Variants in ADGRV1 observed in about 807,000 individuals in gnomAD.
The protein encoded by ADGRV1 is G-protein coupled receptor 98.
ADGRV1 carries 359 observed loss-of-function variants against 596.2 expected under a neutral mutation model. That is an observed-to-expected ratio of 0.60 (90% CI 0.55 to 0.66). The LOEUF (loss-of-function observed/expected upper bound fraction) is 0.66, where lower values mean the gene tolerates loss of function less well. ADGRV1 is among the 30% of genes least tolerant of loss of function. The pLI, the probability that ADGRV1 is intolerant of heterozygous loss-of-function variation, is 0.00. For missense variants in ADGRV1, 7,274 were observed against 7,575.6 expected, an observed-to-expected ratio of 0.96 and a Z score of 1.48; for synonymous variants, 2,681 against 2,679.2, an observed-to-expected ratio of 1.00 and a Z score of -0.02.
In ADGRV1 at chr5:91,027,718, T is replaced by A. The variant is rs1457873627; in HGVS notation, c.18152+42196T>A. 3.9e-5 allele frequency among the ~76,000 whole-genome samples: 6 copies of A among 152,292 alleles called. No homozygotes were observed. The East Asian group carries it at 1.2e-3, about 29-fold the overall frequency. ...ATCAGGATCTCATTAAGGGAAAGCT[T>A]AGCATTGTTTGAGTTCTCTTTCACA... On this transcript the variant is annotated intron_variant, in intron 85 of 89. Transcript: ENST00000405460.
At chr5:90,563,038 C>T (rs777462338) in intron 1 of ADGRV1, among the ~76,000 whole-genome samples, 12 of 152,166 alleles carry the variant, frequency 7.9e-5, no homozygotes, top group Non-Finnish European at 1.5e-4. Context: ...ACCATCTGTT[C>T]GCATCTTGGC....
intron 50 of ADGRV1, among the ~76,000 whole-genome samples, chr5:90,742,279 T>C (rs1171888923): frequency 6.6e-6 from 1 of 152,184 alleles, no homozygotes; most frequent in Admixed American, 6.5e-5. Flanking sequence ...CTTGCCCTGG[T>C]CTAAGAGATG....
At chr5:90,602,490 C>G (rs1228603678) in intron 1 of ADGRV1, among the ~76,000 whole-genome samples, 1 of 152,100 alleles carries the variant, frequency 6.6e-6, no homozygotes, top group Non-Finnish European at 1.5e-5. Flanking sequence ...GTCTTTTTGC[C>G]TTTTTGGTCT....
At chr5:90,785,517 G>T (rs1759340865) in intron 67 of ADGRV1, among the ~76,000 whole-genome samples, 1 of 152,072 alleles carries the variant, frequency 6.6e-6, no homozygotes, top group South Asian at 2.1e-4. Flanking sequence ...CTGACAAAGG[G>T]CTAATATCCA....
chr5:90,716,326 TTC>T (rs1280442135), intron 42 of ADGRV1, 139 bp from the exon 43 acceptor site: 1 of 493,868 alleles, frequency 2.0e-6, no homozygotes, highest in African/African-American at 1.9e-5. Context: ...CTTTAAAAAA[TTC>T]TGTCATTTTT....
chr5:90,842,989 A>C (rs545695392), intron 78 of ADGRV1, among the ~76,000 whole-genome samples: 118 of 152,222 alleles, frequency 7.8e-4, no homozygotes, highest in Non-Finnish European at 1.2e-3. Context: ...TATAAAGAAA[A>C]CAAAAATTCT....
chr5:91,127,304 C>T (rs1449945790), intron 87 of ADGRV1, among the ~76,000 whole-genome samples: 1 of 152,136 alleles, frequency 6.6e-6, no homozygotes, highest in African/African-American at 2.4e-5. Flanking sequence ...CTTTGGGAGG[C>T]TGATGTGGGC....
In ADGRV1 at chr5:90,697,132, T is replaced by A. The variant is rs1747292716; in HGVS notation, c.8141T>A (p.Val2714Asp). The change falls in exon 34 of 90, where the codon GTC (valine) becomes GAC (aspartate). Residue 2714 changes from valine (V) to aspartate (D), a missense_variant. Physicochemically the swap from Val to Asp is radical, Grantham distance 152. This residue lies in a region of ADGRV1 where 3,643 missense variants were observed against 3,809.2 expected (regional missense o/e 0.96). Transcript: ENST00000405460. ...IVSFQTASRS[V>D]IGHEGEILQF... Reference sequence around the variant, plus strand: ...AGCTTTCAGACAGCTTCCAGATCTGTCATAGGTCATGAAGGTGGGTTCCTT... The same window carrying A: ...AGCTTTCAGACAGCTTCCAGATCTGACATAGGTCATGAAGGTGGGTTCCTT... 6.2e-7 allele frequency: 1 copy of A among 1,612,758 alleles called. No homozygotes were observed. The highest frequency in any genetic ancestry group is 8.5e-7 in the Non-Finnish European group (1 of 1,179,046).
At chr5:90,651,032 C>T (rs1457809220) in intron 17 of ADGRV1, among the ~76,000 whole-genome samples, 5 of 152,080 alleles carry the variant, frequency 3.3e-5, no homozygotes, top group Non-Finnish European at 7.4e-5. Flanking sequence ...GTGCAAAGAA[C>T]TGGAGTAGAA....
intron 50 of ADGRV1, among the ~76,000 whole-genome samples, chr5:90,738,881 A>G (rs1753594948): frequency 6.6e-6 from 1 of 151,980 alleles, no homozygotes; most frequent in African/African-American, 2.4e-5. Flanking sequence ...AAAAATAATG[A>G]TTCTTGGTAT....
intron 86 of ADGRV1, among the ~76,000 whole-genome samples, chr5:91,092,364 G>A (rs563797316): frequency 1.3e-5 from 2 of 152,182 alleles, no homozygotes; most frequent in Non-Finnish European, 2.9e-5. Flanking sequence ...CTCCTAAAGT[G>A]CTGGGATCAC....
rs567434427 is a variant in ADGRV1, at chr5:90,585,606, G to C, written c.22+26689G>C. On this transcript the variant is annotated intron_variant, in intron 1 of 89. Transcript: ENST00000405460. ...GGTCATTTTAAAGGGATCCTGCCCA[G>C]AGGGCAGCCTGTCAGGGGAAGGGGA... 2.0e-5 allele frequency among the ~76,000 whole-genome samples: 3 copies of C among 152,322 alleles called. No individual in the cohort carries two copies. In the South Asian group the frequency reaches 6.2e-4, roughly 32 times the overall value.
chr5:90,632,598 T>C (rs1765640480), intron 9 of ADGRV1, among the ~76,000 whole-genome samples: 1 of 152,188 alleles, frequency 6.6e-6, no homozygotes, highest in Non-Finnish European at 1.5e-5. Context: ...ATTAGGAACT[T>C]TGTACAAGTC....
chr5:90,720,270 G>A (rs1369114032), intron 44 of ADGRV1, 47 bp downstream of exon 44: 2 of 1,204,688 alleles, frequency 1.7e-6, no homozygotes, highest in East Asian at 2.5e-5. Flanking sequence ...GCTATAAGTA[G>A]GGAATATTTT....
intron 70 of ADGRV1, among the ~76,000 whole-genome samples, chr5:90,795,047 T>C (rs531064733): frequency 2.8e-4 from 42 of 150,290 alleles, no homozygotes; most frequent in Admixed American, 2.1e-3. Context: ...AGCACAAAAC[T>C]GGGCAGCTGT....
intron 57 of ADGRV1, among the ~76,000 whole-genome samples, chr5:90,758,249 C>T (rs1252215800): frequency 6.6e-6 from 1 of 152,010 alleles, no homozygotes; most frequent in Non-Finnish European, 1.5e-5. Context: ...AGGAGAATGG[C>T]GTGAACCTGG....
rs1186580924 is a variant in ADGRV1, at chr5:90,652,401, C to G, written c.3472C>G (p.Gln1158Glu). 1 of 1,611,052 alleles carries G rather than the reference C, an allele frequency of 6.2e-7. No homozygotes were observed. Among genetic ancestry groups the G allele is most frequent in the African/African-American group, 1.3e-5 (1 of 74,882 alleles). ...GSVSVSWQLF[Q>E]NDSALQPGQE... ...TGTTTCTGTATCTTGGCAGCTCTTT[C>G]AGAATGATTCTGCTTTGCAGCCTGG... The change falls in exon 19 of 90, where the codon CAG (glutamine) becomes GAG (glutamate). Residue 1158 changes from glutamine to glutamate, a missense_variant. By Grantham distance (29) the Gln-to-Glu change is conservative. This residue lies in a region of ADGRV1 where 1,715 missense variants were observed against 1,708.8 expected (regional missense o/e 1.00). Coordinates refer to ENST00000405460, the MANE Select transcript of ADGRV1 (RefSeq NM_032119.4).
intron 67 of ADGRV1, among the ~76,000 whole-genome samples, chr5:90,787,265 T>C (rs949444572): frequency 2.0e-5 from 3 of 152,208 alleles, no homozygotes; most frequent in Non-Finnish European, 2.9e-5. Context: ...CATAGAAATG[T>C]AGAAAACTTT....
chr5:90,581,293 C>T (rs751769378), intron 1 of ADGRV1, among the ~76,000 whole-genome samples: 23 of 152,162 alleles, frequency 1.5e-4, no homozygotes, highest in African/African-American at 4.3e-4. Flanking sequence ...AGCTTTGTTC[C>T]GTTGCTGGTG....
Sources: gnomAD v4.1 joint callset for allele counts (sites outside exome capture counted in the v4.1 genomes callset) on GRCh38, gnomAD v4.1.1 for gene constraint, gnomAD v4.1.1 regional missense constraint, MANE v1.5 for transcripts, NCBI Gene and HGNC (gene_info 2026-07-23, HGNC 2026-07-21) for gene names.